The following DEAF1 variants were observed in gnomAD, a reference collection of about 807,000 sequenced individuals.
DEAF1 encodes the protein DEAF1 transcription factor.
A neutral mutation model predicts 58.9 loss-of-function variants in DEAF1; 53 were observed. The ratio of observed to expected loss-of-function variants is 0.90; its 90% CI spans 0.72 to 1.13. The LOEUF is 1.13. DEAF1 is among the 50% of genes most tolerant of loss of function. The pLI is 0.00. For missense variants in DEAF1, 685 were observed against 791.4 expected (o/e 0.87, Z 1.61); for synonymous variants, 385 against 340.4 (o/e 1.13, Z -1.44).
At chr11:696,020 G>A (rs1352163889), upstream of DEAF1, among the ~76,000 whole-genome samples, 1 of 151,866 alleles carries the variant, frequency 6.6e-6, no homozygotes, top group Non-Finnish European at 1.5e-5. Context: ...TGGCCTGGGT[G>A]GCGGGCGTCC....
chr11:694,898 C>G lies in DEAF1; in HGVS notation c.150G>C (p.Glu50Asp). 6.7e-7 allele frequency: 1 copy of G among 1,498,556 alleles called. No individual in the cohort carries two copies. The allele number at this position is 1,498,556 out of a possible 1,614,324, so 92.8% of individuals were successfully genotyped here. A position where few individuals can be genotyped will look rare whatever the true frequency, so the allele number is the denominator to read the frequency against. Reference protein sequence around the residue: ...PVLSRDEDSEEDADSEAERET... With the variant: ...PVLSRDEDSEDDADSEAERET... ...CCCGCTCCGCCTCCGAGTCTGCGTC[C>G]TCCTCCGAGTCCTCGTCCCTGCTCA... The change falls in exon 1 of 12, where the codon GAG becomes GAC. Residue 50 changes from glutamate to aspartate, a missense_variant. Coordinates refer to ENST00000382409, the MANE Select transcript of DEAF1 (RefSeq NM_021008.4).
intron 10 of DEAF1, among the ~76,000 whole-genome samples, chr11:667,677 T>C (rs1859615903): frequency 6.6e-6 from 1 of 151,862 alleles, no homozygotes; most frequent in Non-Finnish European, 1.5e-5. Flanking sequence ...GGCATGGTGG[T>C]GTGTGCCTGT....
At chr11:705,509 G>T in intron 1 of DEAF1, 1 of 154,396 alleles carries the variant, frequency 6.5e-6, no homozygotes, top group Non-Finnish European at 1.4e-5. Flanking sequence ...TCCTGAGAGG[G>T]CCTGAGGTGT....
exon 1 of DEAF1, among the ~76,000 whole-genome samples, chr11:707,010 G>C (rs1399766645): frequency 1.3e-5 from 2 of 151,944 alleles, no homozygotes; most frequent in African/African-American, 4.8e-5. Flanking sequence ...TGGCAGGGGA[G>C]GGGGAGGCAG....
intron 9 of DEAF1, among the ~76,000 whole-genome samples, chr11:676,501 G>A (rs989567846): frequency 3.5e-4 from 53 of 151,454 alleles, no homozygotes; most frequent in African/African-American, 4.6e-4. Context: ...AATCAGCGCC[G>A]TGGACAATGA....
chr11:683,631 T>C (rs1008841264), intron 6 of DEAF1, among the ~76,000 whole-genome samples: 2 of 152,228 alleles, frequency 1.3e-5, no homozygotes, highest in African/African-American at 4.8e-5. Flanking sequence ...TCTATGCAAA[T>C]TTTAGAATCA....
upstream of DEAF1, chr11:700,040 CTG>C: frequency 1.1e-6 from 1 of 894,434 alleles, no homozygotes; most frequent in Non-Finnish European, 1.8e-6. Flanking sequence ...CCCTTGGTGT[CTG>C]TGGCCACCAA....
chr11:693,357 CCAAA>C (rs1860919728), intron 1 of DEAF1: 1 of 152,106 alleles, frequency 6.6e-6, no homozygotes, highest in African/African-American at 2.4e-5. Context: ...TCTTAACCAA[CCAAA>C]CAAGCAGCAG....
rs149481647 is a variant in DEAF1 at position 678,533 on chromosome 11, C to T, written c.1255+161G>A. 347 of 1,044,068 alleles carry T rather than the reference C, an allele frequency of 3.3e-4. 3 individuals carry two copies. The East Asian group carries it at 8.7e-3, about 26-fold the overall frequency. 64.7% of individuals were successfully genotyped at this position (1,044,068 alleles called of 1,614,324 possible). ...CTGTGTGTCAGTAAAACTTTATTTA[C>T]AAACATAGGCAGTGGGCCACACTTT... On this transcript the variant is annotated intron_variant, in intron 9 of 11. Transcript: ENST00000382409.
At chr11:684,018 C>A (rs771019846) in intron 6 of DEAF1, among the ~76,000 whole-genome samples, 1 of 152,106 alleles carries the variant, frequency 6.6e-6, no homozygotes, top group African/African-American at 2.4e-5. Context: ...TTTACGTTCA[C>A]AAAATTGTTT....
At chr11:704,588 A>T (rs1431985479) in intron 1 of DEAF1, 27 of 1,278,834 alleles carry the variant, frequency 2.1e-5, no homozygotes, top group Non-Finnish European at 2.4e-5. Flanking sequence ...CCCACAAACC[A>T]TGCAGACCAG....
At chr11:654,143 C>T (rs1248544812) in intron 10 of DEAF1, 92 bp from the exon 11 acceptor site, 1 of 930,096 alleles carries the variant, frequency 1.1e-6, no homozygotes, top group Non-Finnish European at 1.7e-6. Context: ...CAGGAGGCCC[C>T]AAGTTCCCCC....
intron 1 of DEAF1, chr11:694,417 G>A: frequency 4.3e-6 from 1 of 231,056 alleles, no homozygotes; most frequent in Non-Finnish European, 8.5e-6. Context: ...TGGAAACGTC[G>A]AGCAGGTGTG....
In DEAF1 at chr11:694,705, G is replaced by C. The variant is rs1019391986; in HGVS notation, c.289+54C>G. On this transcript the variant is annotated intron_variant, in intron 1 of 11. Transcript: ENST00000382409. ...TGGGACAGTTGTGCGGGGCAGGCGC[G>C]CGGGGTAGGCGCGCGGGAACCGGAC... 5.0e-5 allele frequency: 63 copies of C among 1,271,410 alleles called. No homozygotes were observed. In the East Asian group the frequency reaches 1.8e-3, roughly 37 times the overall value. 78.8% of individuals were successfully genotyped at this position (1,271,410 alleles called of 1,614,324 possible). A position where few individuals can be genotyped will look rare whatever the true frequency, so the allele number is the denominator to read the frequency against.
chr11:699,262 A>C, upstream of DEAF1: 1 of 280,076 alleles, frequency 3.6e-6, no homozygotes, highest in Non-Finnish European at 6.9e-6. Context: ...CCTTCCTCTC[A>C]CCCAGGCTGG....
At chr11:673,422 G>A (rs898503233) in intron 10 of DEAF1, among the ~76,000 whole-genome samples, 1 of 152,082 alleles carries the variant, frequency 6.6e-6, no homozygotes, top group African/African-American at 2.4e-5. Context: ...CAGCTACTTG[G>A]GAGGCTGAGG....
In DEAF1 at chr11:686,937, G is replaced by A; in HGVS notation, c.725C>T (p.Ala242Val). 1 of 1,614,210 alleles carries A rather than the reference G, an allele frequency of 6.2e-7. No homozygotes were observed. Among genetic ancestry groups the A allele is most frequent in the Non-Finnish European group, 8.5e-7 (1 of 1,180,046 alleles). The change falls in exon 5 of 12, where the codon GCC becomes GTC. Residue 242 changes from alanine to valine, a missense_variant. By Grantham distance (64) the Ala-to-Val change is moderately conservative (BLOSUM62 0). Transcript: ENST00000382409. ...CTTACTGCTGGCTCTTCCTGCCATG[G>A]CCTCAAACTCGGTGGGACTGTACCA... ...ENWYSPTEFE[A>V]MAGRASSKDW...
chr11:665,441 A>G (rs976580920), intron 10 of DEAF1, among the ~76,000 whole-genome samples: 1 of 152,184 alleles, frequency 6.6e-6, no homozygotes, highest in Non-Finnish European at 1.5e-5. Context: ...ACTTCCTGAC[A>G]TTTCTTCTAA....
chr11:674,094 G>T (rs4073591), intron 10 of DEAF1: 131,874 of 260,772 alleles, frequency 0.51, 35,224 homozygotes, highest in East Asian at 0.72. Flanking sequence ...AGCTGGGAGG[G>T]CTTTGTGACA....
Sources: gnomAD v4.1 joint callset for allele counts (sites outside exome capture counted in the v4.1 genomes callset) on GRCh38, gnomAD v4.1.1 for gene constraint, MANE v1.5 for transcripts, NCBI Gene and HGNC (gene_info 2026-07-23, HGNC 2026-07-21) for gene names.